Variants in NPFFR2 observed in about 807,000 individuals in gnomAD.
NPFFR2 encodes the protein neuropeptide FF receptor 2, also known as G-protein coupled receptor 74.
In NPFFR2, 15 loss-of-function variants were observed where a neutral mutation model predicts 13.1. That is an observed-to-expected ratio of 1.15 (90% CI 0.77 to 1.76). The LOEUF (loss-of-function observed/expected upper bound fraction) is 1.76. Among genes scored for constraint, NPFFR2 ranks in the 40% most tolerant of loss-of-function variants. The probability of loss-of-function intolerance (pLI) is 0.00; values close to 1 mark genes in which losing one functional copy is unlikely to be tolerated. For synonymous variants in NPFFR2, 190 were observed against 175.7 expected (o/e 1.08, Z -0.65); for missense variants, 572 against 503.5 (o/e 1.14, Z -1.30).
At chr4:72,105,273 A>G (rs1257075488) in intron 1 of NPFFR2, among the ~76,000 whole-genome samples, 1 of 151,936 alleles carries the variant, frequency 6.6e-6, no homozygotes, top group Non-Finnish European at 1.5e-5. Context: ...ATATATGTGA[A>G]TATTTATATG....
intron 1 of NPFFR2, among the ~76,000 whole-genome samples, chr4:72,048,264 A>T (rs13146912): frequency 0.89 from 135,098 of 151,876 alleles, 61,229 homozygotes; most frequent in Non-Finnish European, 0.98. Context: ...GAAGTGAGGG[A>T]GGAGTCAGGC....
chr4:72,072,263 A>G (rs906673516), intron 1 of NPFFR2, among the ~76,000 whole-genome samples: 1 of 152,172 alleles, frequency 6.6e-6, no homozygotes, highest in Non-Finnish European at 1.5e-5. Context: ...GCTATGAGAC[A>G]CAGACTTTGA....
At chr4:72,080,510 A>G (rs1240375552) in intron 1 of NPFFR2, among the ~76,000 whole-genome samples, 1 of 152,128 alleles carries the variant, frequency 6.6e-6, no homozygotes, top group East Asian at 1.9e-4. Flanking sequence ...TTTATCTTAT[A>G]CTATACATAT....
chr4:72,136,728 C>G (rs1469296625), intron 2 of NPFFR2, among the ~76,000 whole-genome samples: 1 of 152,156 alleles, frequency 6.6e-6, no homozygotes, highest in African/African-American at 2.4e-5. Context: ...GCACTCATTA[C>G]CCCCGCACCT....
At chr4:72,042,970 A>G (rs1333696058) in intron 1 of NPFFR2, among the ~76,000 whole-genome samples, 1 of 152,348 alleles carries the variant, frequency 6.6e-6, no homozygotes, top group African/African-American at 2.4e-5. Context: ...CTCCCATCAC[A>G]GGCCCAGAGG....
intron 1 of NPFFR2, among the ~76,000 whole-genome samples, chr4:72,120,339 T>TG (rs1430392557): frequency 3.6e-5 from 5 of 138,582 alleles, no homozygotes; most frequent in Admixed American, 7.6e-5. Flanking sequence ...TTCAACAAAC[T>TG]TAAACATTCC....
chr4:72,051,153 G>T (rs1217987154), intron 1 of NPFFR2, among the ~76,000 whole-genome samples: 1 of 151,720 alleles, frequency 6.6e-6, no homozygotes, highest in Non-Finnish European at 1.5e-5. Flanking sequence ...GGGTCAAATG[G>T]TATTTCTAGT....
At position 72,148,064 on chromosome 4, in the gene NPFFR2, C is replaced by T. The variant is rs187924887; in HGVS notation, c.*252C>T. ...AAATATATTTCTAGAGAACAGTTTA[C>T]AAAGCCTCATCTTTCCAAACTTAAC... On this transcript the variant is annotated 3_prime_UTR_variant, in exon 4 of 4. Transcript: ENST00000308744. 2 of 364,210 alleles carry T rather than the reference C, an allele frequency of 5.5e-6. No individual in the cohort carries two copies. The highest frequency in any genetic ancestry group is 9.8e-6 in the Non-Finnish European group (2 of 203,752). The allele number at this position is 364,210 out of a possible 1,614,324, so 22.6% of individuals were successfully genotyped here. A position where few individuals can be genotyped will look rare whatever the true frequency, so the allele number is the denominator to read the frequency against.
At chr4:72,047,165 T>C (rs190980391) in intron 1 of NPFFR2, among the ~76,000 whole-genome samples, 2 of 122,996 alleles carry the variant, frequency 1.6e-5, no homozygotes, top group Admixed American at 1.9e-4. Flanking sequence ...CACAGCCTGG[T>C]TATGTAAAGA....
At chr4:72,145,510 G>A (rs1384341492) in intron 3 of NPFFR2, among the ~76,000 whole-genome samples, 1 of 151,848 alleles carries the variant, frequency 6.6e-6, no homozygotes, top group Non-Finnish European at 1.5e-5. Flanking sequence ...CTATTAGTAG[G>A]TATTCAAAAA....
chr4:72,050,045 A>G (rs1484184770), intron 1 of NPFFR2, among the ~76,000 whole-genome samples: 1 of 152,040 alleles, frequency 6.6e-6, no homozygotes, highest in Non-Finnish European at 1.5e-5. Flanking sequence ...CAAACCTCCA[A>G]GGATGGGAGA....
chr4:72,041,382 T>A (rs552698314), intron 1 of NPFFR2, among the ~76,000 whole-genome samples: 2 of 152,374 alleles, frequency 1.3e-5, no homozygotes, highest in Admixed American at 6.5e-5. Flanking sequence ...TCATATTTTT[T>A]AAATCCAAAC....
intron 1 of NPFFR2, among the ~76,000 whole-genome samples, chr4:72,038,905 CTTTT>C (rs1158358179): frequency 0.06 from 5,043 of 84,378 alleles, 75 homozygotes; most frequent in Middle Eastern, 0.12. Context: ...AATTTCCTTT[CTTTT>C]TTTTTTTTTT....
intron 1 of NPFFR2, among the ~76,000 whole-genome samples, chr4:72,087,222 T>A (rs1163891827): frequency 6.6e-6 from 1 of 152,064 alleles, no homozygotes; most frequent in African/African-American, 2.4e-5. Context: ...AAATCTGGGT[T>A]ATGGTCAACG....
chr4:72,054,724 T>TTGAAAATATATATTTTAC lies in NPFFR2; in HGVS notation c.-8+22525_-8+22542dup, dbSNP rs1255621644. Among the ~76,000 whole-genome samples, 104 of 152,020 alleles carry TTGAAAATATATATTTTAC rather than the reference T, an allele frequency of 6.8e-4. 1 individual carries two copies. The highest frequency in any genetic ancestry group is 2.5e-3 in the African/African-American group (102 of 41,526). On this transcript the variant is annotated intron_variant, in intron 1 of 3. Coordinates refer to ENST00000308744, the MANE Select transcript of NPFFR2 (RefSeq NM_004885.3). ...AAACCACAGAATGGGAGAAAATGTT[T>TTGAAAATATATATTTTAC]TGAAAATATATATTTTACAAAGTAC...
At chr4:72,102,128 A>G (rs1469697766) in intron 1 of NPFFR2, among the ~76,000 whole-genome samples, 2 of 152,096 alleles carry the variant, frequency 1.3e-5, no homozygotes, top group Non-Finnish European at 2.9e-5. Flanking sequence ...AATCATGAGT[A>G]TGGGTTTATT....
Position 72,106,492 on chromosome 4 carries a change from T to C in NPFFR2, c.-7-22093T>C, listed in dbSNP as rs1232846432. Among the ~76,000 whole-genome samples the C allele has an allele frequency of 3.3e-5, 5 of 151,954 alleles. No homozygotes were observed. In the East Asian group the frequency reaches 9.7e-4, roughly 29 times the overall value. On this transcript the variant is annotated intron_variant, in intron 1 of 3. Coordinates refer to ENST00000308744, the MANE Select transcript of NPFFR2 (RefSeq NM_004885.3). ...CATGAAGAGAACGCTTGTTAAGAAA[T>C]TCACAGCAATAAGTTGGTATCTCCA...
At chr4:72,099,882 G>C (rs910381723) in intron 1 of NPFFR2, among the ~76,000 whole-genome samples, 2 of 152,034 alleles carry the variant, frequency 1.3e-5, no homozygotes, top group Admixed American at 6.6e-5. Context: ...CACACACACA[G>C]AAACACACAA....
chr4:72,112,658 G>A (rs1721598724), intron 1 of NPFFR2, among the ~76,000 whole-genome samples: 1 of 151,944 alleles, frequency 6.6e-6, no homozygotes, highest in African/African-American at 2.4e-5. Context: ...CACCATGCCT[G>A]AAGCATGAAA....
Sources: gnomAD v4.1 joint callset for allele counts (sites outside exome capture counted in the v4.1 genomes callset) on GRCh38, gnomAD v4.1.1 for gene constraint, MANE v1.5 for transcripts, NCBI Gene and HGNC (gene_info 2026-07-23, HGNC 2026-07-21) for gene names.